DZANK1: variants seen among roughly 807,000 people sequenced by gnomAD.
DZANK1 encodes double zinc ribbon and ankyrin repeat-containing protein 1.
Under a neutral mutation model 94.5 loss-of-function variants are expected in DZANK1, and 91 were observed. The ratio of observed to expected loss-of-function variants is 0.96; its 90% CI spans 0.81 to 1.15. The LOEUF (loss-of-function observed/expected upper bound fraction) is 1.15. Among genes scored for constraint, DZANK1 ranks in the 50% most tolerant of loss-of-function variants. DZANK1 has a pLI of 0.00. For synonymous variants in DZANK1, 312 were observed against 325.3 expected (o/e 0.96, Z 0.44); for missense variants, 903 against 916.4 (o/e 0.99, Z 0.19).
At position 18,396,525 on chromosome 20, in the gene DZANK1, C is replaced by T. The variant is rs13347177; in HGVS notation, c.1558G>A (p.Glu520Lys). 9.1e-4 allele frequency: 1,468 copies of T among 1,613,438 alleles called. 23 individuals carry two copies. In the African/African-American group the frequency reaches 0.016, roughly 18 times the overall value. ...CTGATGCTAACTTCACAACCATCTT[C>T]GTGGACAGTAGCAGAGATAAGCTTT... Residue 520 changes from glutamate (E) to lysine (K), a missense_variant, in exon 15 of 21, where the codon GAA becomes AAA. By Grantham distance (56) the Glu-to-Lys change is moderately conservative. Transcript: ENST00000262547.
chr20:18,433,562 A>C, intron 9 of DZANK1, 90 bp downstream of exon 9: 1 of 1,210,524 alleles, frequency 8.3e-7, no homozygotes. Flanking sequence ...AAAAATTGTT[A>C]CCCCATCCCA....
At chr20:18,387,639 C>T (rs538995834) in intron 19 of DZANK1, among the ~76,000 whole-genome samples, 1 of 152,320 alleles carries the variant, frequency 6.6e-6, no homozygotes, top group South Asian at 2.1e-4. Flanking sequence ...CTAGTGAGAT[C>T]CTGAGCCTGT....
At chr20:18,415,568 T>C in intron 10 of DZANK1, 119 bp from the exon 11 acceptor site, 1 of 1,104,074 alleles carries the variant, frequency 9.1e-7, no homozygotes, top group Non-Finnish European at 1.2e-6. Context: ...GTGTTTTTTT[T>C]GTTTTGTTTT....
chr20:18,446,275 A>G (rs2058879020), intron 7 of DZANK1, among the ~76,000 whole-genome samples: 1 of 152,058 alleles, frequency 6.6e-6, no homozygotes, highest in African/African-American at 2.4e-5. Context: ...GGAAGGAAGG[A>G]AAGAAGGAAG....
intron 4 of DZANK1, chr20:18,454,265 T>C: frequency 2.9e-6 from 1 of 344,714 alleles, no homozygotes; most frequent in Non-Finnish European, 5.7e-6. Context: ...CACACCTGAT[T>C]CAAGCCTAAG....
intron 10 of DZANK1, among the ~76,000 whole-genome samples, chr20:18,423,696 G>A (rs1332054121): frequency 6.6e-6 from 1 of 151,988 alleles, no homozygotes; most frequent in Non-Finnish European, 1.5e-5. Context: ...CATATGTTTT[G>A]GAATCAAATA....
At chr20:18,405,293 GA>G (rs2056905958) in intron 13 of DZANK1, among the ~76,000 whole-genome samples, 1 of 152,002 alleles carries the variant, frequency 6.6e-6, no homozygotes, top group Non-Finnish European at 1.5e-5. Flanking sequence ...ATATGTAGCA[GA>G]AAAGTACAAT....
At chr20:18,416,271 C>T (rs113053961) in intron 10 of DZANK1, among the ~76,000 whole-genome samples, 5 of 152,324 alleles carry the variant, frequency 3.3e-5, no homozygotes, top group African/African-American at 4.8e-5. Context: ...AGCTTACTCC[C>T]AGGTCTGTAG....
chr20:18,411,497 T>C (rs2057254710), intron 13 of DZANK1, among the ~76,000 whole-genome samples: 1 of 152,080 alleles, frequency 6.6e-6, no homozygotes, highest in African/African-American at 2.4e-5. Context: ...AATTGCCCAC[T>C]AGACAAACAT....
chr20:18,438,775 G>C (rs373710483), intron 8 of DZANK1, among the ~76,000 whole-genome samples: 32 of 152,184 alleles, frequency 2.1e-4, no homozygotes, highest in Non-Finnish European at 1.6e-4. Context: ...GGATGCCAGC[G>C]AATTCAGTAT....
chr20:18,450,126 A>T (rs1213543586), intron 6 of DZANK1, among the ~76,000 whole-genome samples: 1 of 151,806 alleles, frequency 6.6e-6, no homozygotes, highest in Non-Finnish European at 1.5e-5. Flanking sequence ...ACAAACAAAC[A>T]AACTTCAGTA....
At chr20:18,452,825 T>G in intron 5 of DZANK1, 86 bp from the exon 6 acceptor site, 1 of 1,360,978 alleles carries the variant, frequency 7.3e-7, no homozygotes, top group Non-Finnish European at 9.8e-7. Context: ...GGAGACCTTT[T>G]AATAAAGAAC....
At chr20:18,454,904 G>A (rs1005798125) in intron 4 of DZANK1, among the ~76,000 whole-genome samples, 1 of 152,226 alleles carries the variant, frequency 6.6e-6, no homozygotes, top group African/African-American at 2.4e-5. Flanking sequence ...TGGAGTATAT[G>A]TAGGGGGTTG....
At chr20:18,453,659 C>G (rs377049881) in intron 5 of DZANK1, 72 bp downstream of exon 5, 1 of 1,040,522 alleles carries the variant, frequency 9.6e-7, no homozygotes, top group Admixed American at 2.0e-5. Flanking sequence ...AGAAAACATG[C>G]AACGAACATG....
At position 18,446,867 on chromosome 20, in the gene DZANK1, C is replaced by G. The variant is rs118029334; in HGVS notation, c.629+2117G>C. On this transcript the variant is annotated intron_variant, in intron 7 of 20. Transcript: ENST00000262547. ...ATCTAGAATTATACCGATACTAAAA[C>G]CAGACAAAGACATTAACAAGAAAAG... Among the ~76,000 whole-genome samples, 773 of 152,244 alleles carry G rather than the reference C, an allele frequency of 5.1e-3. 7 individuals carry two copies. Among genetic ancestry groups the G allele is most frequent in the South Asian group, 0.044 (214 of 4,820 alleles).
chr20:18,424,466 C>CAAAAA (rs1349325867), intron 10 of DZANK1, among the ~76,000 whole-genome samples: 1 of 99,304 alleles, frequency 1.0e-5, no homozygotes, highest in African/African-American at 4.6e-5. Context: ...ATAACAACAA[C>CAAAAA]AACAAAAAAA....
intron 10 of DZANK1, among the ~76,000 whole-genome samples, chr20:18,417,856 C>A (rs913925210): frequency 6.6e-6 from 1 of 152,080 alleles, no homozygotes; most frequent in Non-Finnish European, 1.5e-5. Flanking sequence ...GAGGCTGAGG[C>A]GAGTGTATCA....
chr20:18,389,486 A>T (rs2055831463), intron 19 of DZANK1, among the ~76,000 whole-genome samples: 1 of 152,194 alleles, frequency 6.6e-6, no homozygotes, highest in South Asian at 2.1e-4. Flanking sequence ...AAAGCCACTA[A>T]ATTAGGCAAT....
chr20:18,462,128 C>T (rs35596156), intron 2 of DZANK1, among the ~76,000 whole-genome samples: 2 of 152,058 alleles, frequency 1.3e-5, no homozygotes. Context: ...TAATTCATTA[C>T]AATGAATGTT....
Sources: allele counts gnomAD v4.1 joint callset (sites outside exome capture counted in the v4.1 genomes callset), GRCh38; gene constraint gnomAD v4.1.1; transcripts MANE v1.5; gene names NCBI Gene and HGNC (gene_info 2026-07-23, HGNC 2026-07-21).